MRTFA: variants seen among roughly 807,000 people sequenced by gnomAD.
MRTFA encodes the protein myocardin related transcription factor A.
A neutral mutation model predicts 83.5 loss-of-function variants in MRTFA; 20 were observed. That is an observed-to-expected ratio of 0.24 (90% confidence interval 0.17 to 0.35). The LOEUF (loss-of-function observed/expected upper bound fraction) is 0.35. Among genes scored for constraint, MRTFA ranks in the 10% least tolerant of loss-of-function variants. The pLI is 1.00. For synonymous variants in MRTFA, 659 were observed against 541.2 expected, an observed-to-expected ratio of 1.22 and a Z score of -3.02; for missense variants, 1,200 against 1,224.7, an observed-to-expected ratio of 0.98 and a Z score of 0.30.
At chr22:40,606,126 C>T (rs559768562) in intron 1 of MRTFA, among the ~76,000 whole-genome samples, 3 of 152,210 alleles carry the variant, frequency 2.0e-5, no homozygotes, top group East Asian at 1.9e-4. Flanking sequence ...TCCAAATCTG[C>T]CAGCTCTCAG....
At chr22:40,455,669 T>C (rs1162397132) in intron 4 of MRTFA, among the ~76,000 whole-genome samples, 2 of 133,810 alleles carry the variant, frequency 1.5e-5, no homozygotes, top group Non-Finnish European at 3.2e-5. Context: ...AAAAAACATA[T>C]GGAGTGGAGG....
At chr22:40,438,150 G>A (rs1467030318) in intron 4 of MRTFA, among the ~76,000 whole-genome samples, 1 of 152,152 alleles carries the variant, frequency 6.6e-6, no homozygotes, top group Admixed American at 6.5e-5. Flanking sequence ...AATTACTGCT[G>A]GGTGACATGG....
At chr22:40,547,303 A>C (rs367649625) in intron 3 of MRTFA, among the ~76,000 whole-genome samples, 11 of 152,128 alleles carry the variant, frequency 7.2e-5, no homozygotes, top group African/African-American at 2.7e-4. Flanking sequence ...AATAAACACA[A>C]ACACACACAT....
At chr22:40,548,030 A>G (rs992417790) in intron 3 of MRTFA, among the ~76,000 whole-genome samples, 5 of 151,996 alleles carry the variant, frequency 3.3e-5, no homozygotes. Context: ...AAAGAATTCC[A>G]ATTACAATAT....
intron 3 of MRTFA, among the ~76,000 whole-genome samples, chr22:40,511,579 A>T (rs1249166949): frequency 2.0e-5 from 3 of 152,222 alleles, no homozygotes; most frequent in African/African-American, 7.2e-5. Context: ...CAGTAACAGA[A>T]ATTCCCTCTC....
At chr22:40,500,784 T>C (rs1441792294) in intron 3 of MRTFA, among the ~76,000 whole-genome samples, 5 of 151,220 alleles carry the variant, frequency 3.3e-5, no homozygotes, top group Non-Finnish European at 7.4e-5. Context: ...AAGTCTCCCA[T>C]GTCTACTTCT....
chr22:40,495,389 T>C (rs953716185), intron 3 of MRTFA, among the ~76,000 whole-genome samples: 1 of 147,812 alleles, frequency 6.8e-6, no homozygotes, highest in Non-Finnish European at 1.5e-5. Flanking sequence ...GAGGTGGAGG[T>C]TGCAGTGAGC....
Position 40,411,059 on chromosome 22 carries a change from T to C in MRTFA, c.*331A>G, listed in dbSNP as rs936070801. The C allele has an allele frequency of 6.2e-5, 17 of 273,646 alleles. No individual in the cohort carries two copies. Among genetic ancestry groups the C allele is most frequent in the Non-Finnish European group, 9.6e-5 (14 of 145,674 alleles). 17.0% of individuals were successfully genotyped at this position (273,646 alleles called of 1,614,324 possible). ...GAGAAGCCTCCCGCCTGGCCAGGCTTCACCTACCTTAGCCAAATTGTAGCC... is the reference window on the plus strand; with the variant it reads ...GAGAAGCCTCCCGCCTGGCCAGGCTCCACCTACCTTAGCCAAATTGTAGCC... On this transcript the variant is annotated 3_prime_UTR_variant, in exon 15 of 15. Transcript: ENST00000355630.
chr22:40,410,297 T>TTGTG lies in MRTFA; in HGVS notation c.*1089_*1092dup. ...AAGATGGACTAACAGGCCTGTGTTT[T>TTGTG]TGTGTTTATTTTAAAAAGTTCACAC... On this transcript the variant is annotated 3_prime_UTR_variant, in exon 15 of 15. Coordinates refer to ENST00000355630, the MANE Select transcript of MRTFA (RefSeq NM_020831.6). The TTGTG allele has an allele frequency of 1.8e-6, 1 of 555,098 alleles. No individual in the cohort carries two copies. Among genetic ancestry groups the TTGTG allele is most frequent in the Non-Finnish European group, 2.4e-6 (1 of 415,280 alleles). 34.4% of individuals were successfully genotyped at this position (555,098 alleles called of 1,614,324 possible). A position where few individuals can be genotyped will look rare whatever the true frequency, so the allele number is the denominator to read the frequency against.
intron 2 of MRTFA, among the ~76,000 whole-genome samples, chr22:40,556,530 A>T (rs932379): frequency 0.081 from 12,394 of 152,284 alleles, 750 homozygotes; most frequent in East Asian, 0.25. Flanking sequence ...CAAGTTCAAA[A>T]AAAAATTTGA....
rs1355342031 is a variant in MRTFA at position 40,421,117 on chromosome 22, CAG to C, written c.928-19_928-18del. The C allele has an allele frequency of 2.6e-6, 4 of 1,511,648 alleles. No homozygotes were observed. The highest frequency in any genetic ancestry group is 2.3e-5 in the East Asian group (1 of 42,642). The allele number at this position is 1,511,648 out of a possible 1,614,324, so 93.6% of individuals were successfully genotyped here. A position where few individuals can be genotyped will look rare whatever the true frequency, so the allele number is the denominator to read the frequency against. ...TTGGCTTTGCTGAGGGCACAGGAGA[CAG>C]GGTGCCATTCAGGGGCAGCCTCAGG... On this transcript the variant is annotated intron_variant, in intron 9 of 14. Coordinates refer to ENST00000355630, the MANE Select transcript of MRTFA (RefSeq NM_020831.6).
At chr22:40,457,194 G>A (rs1378425989) in intron 4 of MRTFA, among the ~76,000 whole-genome samples, 3 of 151,970 alleles carry the variant, frequency 2.0e-5, no homozygotes, top group Non-Finnish European at 2.9e-5. Context: ...GCGAAACCAC[G>A]TCTCTACTAT....
intron 2 of MRTFA, among the ~76,000 whole-genome samples, chr22:40,577,079 C>T (rs1448258013): frequency 2.6e-5 from 4 of 151,774 alleles, no homozygotes; most frequent in African/African-American, 7.2e-5. Flanking sequence ...AAAAATTAGC[C>T]AGGCATTGTG....
At chr22:40,634,447 C>T (rs2147457856) in intron 1 of MRTFA, among the ~76,000 whole-genome samples, 1 of 152,346 alleles carries the variant, frequency 6.6e-6, no homozygotes, top group Admixed American at 6.5e-5. Context: ...TCTCCTTCAT[C>T]TGAGTTAACA....
At chr22:40,528,953 T>C (rs1333085127) in intron 3 of MRTFA, among the ~76,000 whole-genome samples, 1 of 152,128 alleles carries the variant, frequency 6.6e-6, no homozygotes, top group African/African-American at 2.4e-5. Flanking sequence ...TCTTCTTCCA[T>C]TGTAGCCCTT....
chr22:40,418,690 C>G lies in MRTFA; in HGVS notation c.2048G>C (p.Ser683Thr). ...CAGGGGCTGCTGGCTCAGCTGGCAG[C>G]TGGAGAAGCTGTTCTCCTGCTTCAC... is the stretch of plus-strand genomic sequence containing the variant. Residue 683 changes from serine to threonine, a missense_variant, in exon 12 of 15, where the codon AGC (serine) becomes ACC (threonine). Physicochemically the swap from Ser to Thr is moderately conservative, Grantham distance 58. Around this residue, in one of 2 missense-constraint regions of MRTFA, gnomAD observed 1,107 missense variants for 1,041.8 expected, o/e 1.06. Coordinates refer to ENST00000355630, the MANE Select transcript of MRTFA (RefSeq NM_020831.6). The G allele has an allele frequency of 8.0e-7, 1 of 1,255,032 alleles. No individual in the cohort carries two copies. The highest frequency in any genetic ancestry group is 1.0e-6 in the Non-Finnish European group (1 of 989,070). The allele number at this position is 1,255,032 out of a possible 1,614,324, so 77.7% of individuals were successfully genotyped here.
At chr22:40,544,636 C>T (rs1281623620) in intron 3 of MRTFA, among the ~76,000 whole-genome samples, 1 of 151,986 alleles carries the variant, frequency 6.6e-6, no homozygotes, top group Non-Finnish European at 1.5e-5. Flanking sequence ...ACTAGTATTC[C>T]GGATATTTAA....
At chr22:40,500,002 TCACC>T (rs2054431008) in intron 3 of MRTFA, among the ~76,000 whole-genome samples, 4 of 131,526 alleles carry the variant, frequency 3.0e-5, no homozygotes, top group African/African-American at 1.1e-4. Context: ...GCTCACCGGC[TCACC>T]GCAACGTCCG....
At position 40,418,253 on chromosome 22, in the gene MRTFA, G is replaced by T. The variant is rs953025427; in HGVS notation, c.2364+121C>A. On this transcript the variant is annotated intron_variant, in intron 12 of 14. Coordinates refer to ENST00000355630, the MANE Select transcript of MRTFA (RefSeq NM_020831.6). ...TCTCAGTACCCCCCTGGTGAAGGAA[G>T]ATTAAATGAAGCAAACACAAAATGT... 8.7e-6 allele frequency: 13 copies of T among 1,493,696 alleles called. No individual in the cohort carries two copies. In the African/African-American group the frequency reaches 1.9e-4, roughly 21 times the overall value. The allele number at this position is 1,493,696 out of a possible 1,614,324, so 92.5% of individuals were successfully genotyped here. A position where few individuals can be genotyped will look rare whatever the true frequency, so the allele number is the denominator to read the frequency against.
Sources: gnomAD v4.1 joint callset for allele counts (sites outside exome capture counted in the v4.1 genomes callset) on GRCh38, gnomAD v4.1.1 for gene constraint, gnomAD v4.1.1 regional missense constraint, MANE v1.5 for transcripts, NCBI Gene and HGNC (gene_info 2026-07-23, HGNC 2026-07-21) for gene names.